Variants in ZNF600 observed in about 807,000 individuals in gnomAD.
ZNF600 encodes zinc finger protein 600, also known as zinc finger protein KR-ZNF1.
Under a neutral mutation model 7.3 loss-of-function variants are expected in ZNF600, and 4 were observed. That is an observed-to-expected ratio of 0.55 (90% CI 0.27 to 1.25). ZNF600 has a LOEUF of 1.25. Among genes scored for constraint, ZNF600 ranks in the 50% most tolerant of loss-of-function variants. The pLI is 0.12. For missense variants in ZNF600, 911 were observed against 922.1 expected (o/e 0.99, Z 0.16); for synonymous variants, 290 against 308.9 (o/e 0.94, Z 0.64).
chr19:52,792,991 C>T, the ZNF600 span, among the ~76,000 whole-genome samples: 1 of 151,964 alleles, frequency 6.6e-6, no homozygotes, highest in Non-Finnish European at 1.5e-5. Context: ...CCACCTCGGC[C>T]TCCCAAAGTG....
At chr19:52,803,050 C>T in the ZNF600 span, among the ~76,000 whole-genome samples, 38 of 151,250 alleles carry the variant, frequency 2.5e-4, no homozygotes, top group African/African-American at 7.8e-4. Flanking sequence ...CATGAGCCAC[C>T]GCACACGGCC....
intron 1 of ZNF600, among the ~76,000 whole-genome samples, chr19:52,779,715 A>G (rs1423628205): frequency 6.6e-6 from 1 of 152,128 alleles, no homozygotes; most frequent in Non-Finnish European, 1.5e-5. Context: ...ACATAGATGC[A>G]TGTCTGAGTG....
At chr19:52,822,123 A>AG in the ZNF600 span, among the ~76,000 whole-genome samples, 1 of 114,480 alleles carries the variant, frequency 8.7e-6, no homozygotes, top group African/African-American at 3.5e-5. Flanking sequence ...CCCTGGCTGG[A>AG]GTGCAGTGGC....
the ZNF600 span, among the ~76,000 whole-genome samples, chr19:52,791,854 C>T: frequency 1.3e-5 from 2 of 152,190 alleles, no homozygotes; most frequent in African/African-American, 2.4e-5. Context: ...GGGCACAGAC[C>T]CATCCCTGAT....
intron 3 of ZNF600, among the ~76,000 whole-genome samples, chr19:52,772,083 T>C (rs1600381624): frequency 1.3e-5 from 2 of 152,190 alleles, no homozygotes. Context: ...AAAAAGCAGG[T>C]GGACGAATCA....
intron 1 of ZNF600, chr19:52,780,733 A>C (rs2062713940): frequency 7.0e-6 from 1 of 141,918 alleles, no homozygotes; most frequent in African/African-American, 2.9e-5. Flanking sequence ...CCTCTCAAAA[A>C]AACAAACAAA....
the ZNF600 span, chr19:52,800,783 A>C: frequency 6.2e-7 from 1 of 1,613,786 alleles, no homozygotes; most frequent in Non-Finnish European, 8.5e-7. Context: ...TACACTTGTA[A>C]GGTTTCTCTC....
At chr19:52,817,727 C>T in the ZNF600 span, among the ~76,000 whole-genome samples, 1 of 152,128 alleles carries the variant, frequency 6.6e-6, no homozygotes, top group African/African-American at 2.4e-5. Flanking sequence ...GTGAGACCTT[C>T]CCAGGACCAT....
At chr19:52,780,889 G>A (rs1043257065) in intron 1 of ZNF600, 1 of 152,096 alleles carries the variant, frequency 6.6e-6, no homozygotes, top group East Asian at 1.9e-4. Context: ...GGCCGTTTCC[G>A]GAAGTACGTA....
intron 2 of ZNF600, among the ~76,000 whole-genome samples, chr19:52,777,654 A>G (rs2062686930): frequency 6.6e-6 from 1 of 151,960 alleles, no homozygotes; most frequent in Non-Finnish European, 1.5e-5. Flanking sequence ...ACATGGTGAA[A>G]CCCCGTCTCA....
chr19:52,819,275 G>A, the ZNF600 span, among the ~76,000 whole-genome samples: 1 of 140,650 alleles, frequency 7.1e-6, no homozygotes. Context: ...GCAGGTGGAG[G>A]GTTCCCTGCC....
At chr19:52,820,835 T>C in the ZNF600 span, among the ~76,000 whole-genome samples, 3 of 152,140 alleles carry the variant, frequency 2.0e-5, no homozygotes, top group Non-Finnish European at 2.9e-5. Flanking sequence ...ATCCTCTACT[T>C]TGCCATCTGT....
the ZNF600 span, among the ~76,000 whole-genome samples, chr19:52,818,999 G>T: frequency 1.4e-5 from 2 of 142,400 alleles, no homozygotes; most frequent in Non-Finnish European, 3.0e-5. Flanking sequence ...GGGTGGGAGG[G>T]CATGGGAGAC....
At chr19:52,821,914 A>T in the ZNF600 span, among the ~76,000 whole-genome samples, 2,990 of 110,420 alleles carry the variant, frequency 0.027, 108 homozygotes, top group African/African-American at 0.093. Flanking sequence ...AAAAAAAAAT[A>T]AAAAAATAAA....
chr19:52,804,667 A>G, the ZNF600 span, among the ~76,000 whole-genome samples: 2 of 152,034 alleles, frequency 1.3e-5, no homozygotes, highest in East Asian at 3.9e-4. Context: ...CACTGCACCT[A>G]GCCCATTTTT....
chr19:52,806,799 A>C, the ZNF600 span, among the ~76,000 whole-genome samples: 1 of 151,898 alleles, frequency 6.6e-6, no homozygotes, highest in Non-Finnish European at 1.5e-5. Flanking sequence ...CTACTCAGGA[A>C]TCTGGGGCAT....
chr19:52,772,881 A>C (rs1375700788), intron 3 of ZNF600, among the ~76,000 whole-genome samples: 2 of 152,124 alleles, frequency 1.3e-5, no homozygotes, highest in African/African-American at 4.8e-5. Context: ...GCTGGGACAC[A>C]AGCGCTGAGC....
the ZNF600 span, among the ~76,000 whole-genome samples, chr19:52,796,003 C>T: frequency 6.6e-6 from 1 of 152,100 alleles, no homozygotes; most frequent in East Asian, 1.9e-4. Flanking sequence ...GGTGAAAGCC[C>T]ATCTCTACTA....
At chr19:52,766,241 C>T (rs2062574890) in exon 4 of ZNF600, 2 of 1,614,104 alleles carry the variant, frequency 1.2e-6, no homozygotes, top group Non-Finnish European at 1.7e-6. Context: ...GACGGAAGGT[C>T]TTGCTGCACT....
Sources: gnomAD v4.1 joint callset for allele counts (sites outside exome capture counted in the v4.1 genomes callset) on GRCh38, gnomAD v4.1.1 for gene constraint, MANE v1.5 for transcripts, NCBI Gene and HGNC (gene_info 2026-07-23, HGNC 2026-07-21) for gene names.